DOCK4: variants seen among roughly 807,000 people sequenced by gnomAD.
The protein encoded by DOCK4 is dedicator of cytokinesis protein 4.
DOCK4 carries 97 observed loss-of-function variants against 268.1 expected under a neutral mutation model. The observed-to-expected ratio is 0.36, with a 90% CI of 0.31 to 0.43. The LOEUF (loss-of-function observed/expected upper bound fraction) is 0.43, where lower values mean the gene tolerates loss of function less well. DOCK4 is among the 20% of genes least tolerant of loss of function. DOCK4 has a pLI of 1.00. For missense variants in DOCK4, 2,145 were observed against 2,455.7 expected, an observed-to-expected ratio of 0.87 and a Z score of 2.67; for synonymous variants, 954 against 887.2, an observed-to-expected ratio of 1.08 and a Z score of -1.34.
chr7:111,784,772 T>C (rs745951829), intron 32 of DOCK4, among the ~76,000 whole-genome samples: 14 of 152,182 alleles, frequency 9.2e-5, no homozygotes, highest in African/African-American at 2.2e-4. Context: ...GGCTTTATGA[T>C]TGAACTTCCC....
intron 8 of DOCK4, among the ~76,000 whole-genome samples, chr7:111,976,190 A>G (rs1240726734): frequency 1.3e-5 from 1 of 77,158 alleles, no homozygotes; most frequent in Non-Finnish European, 2.3e-5. Flanking sequence ...ACACACACAC[A>G]CGCACACACG....
intron 35 of DOCK4, among the ~76,000 whole-genome samples, chr7:111,781,922 A>C (rs1798809124): frequency 6.6e-6 from 1 of 152,222 alleles, no homozygotes; most frequent in African/African-American, 2.4e-5. Context: ...GAGGAACTCA[A>C]ATGATCAGAG....
At chr7:111,856,568 G>A (rs918573763) in intron 23 of DOCK4, among the ~76,000 whole-genome samples, 2 of 152,202 alleles carry the variant, frequency 1.3e-5, no homozygotes, top group African/African-American at 4.8e-5. Context: ...AAATCATTAT[G>A]TGGGCAAATC....
At chr7:111,740,843 C>A (rs896727686) in intron 47 of DOCK4, among the ~76,000 whole-genome samples, 2 of 148,714 alleles carry the variant, frequency 1.3e-5, no homozygotes, top group Non-Finnish European at 3.0e-5. Flanking sequence ...GGTCTCAGAG[C>A]TGAACCTTGT....
intron 44 of DOCK4, among the ~76,000 whole-genome samples, chr7:111,745,310 C>T (rs1388194673): frequency 6.6e-6 from 1 of 152,178 alleles, no homozygotes; most frequent in African/African-American, 2.4e-5. Context: ...TTCCTTATTA[C>T]AATGCTTAAG....
intron 1 of DOCK4, among the ~76,000 whole-genome samples, chr7:112,081,013 A>G (rs998908076): frequency 1.3e-5 from 2 of 152,192 alleles, no homozygotes; most frequent in East Asian, 3.9e-4. Context: ...ACAACTGTCG[A>G]GGTACATTTC....
chr7:112,035,618 G>A (rs981385109), intron 1 of DOCK4, among the ~76,000 whole-genome samples: 1 of 152,072 alleles, frequency 6.6e-6, no homozygotes, highest in African/African-American at 2.4e-5. Context: ...GGAGTAGAGA[G>A]AGAATCACAC....
chr7:111,828,622 A>G (rs183183502), intron 26 of DOCK4, among the ~76,000 whole-genome samples: 1 of 152,242 alleles, frequency 6.6e-6, no homozygotes, highest in Admixed American at 6.5e-5. Flanking sequence ...AAATGTGTAC[A>G]TCCTATGACC....
At chr7:111,963,507 G>A (rs368776092) in intron 8 of DOCK4, among the ~76,000 whole-genome samples, 1,004 of 58,904 alleles carry the variant, frequency 0.017, no homozygotes, top group Middle Eastern at 0.022. Context: ...ACCGGCTTAA[G>A]AAACGGCGCA....
intron 13 of DOCK4, among the ~76,000 whole-genome samples, chr7:111,907,450 A>AACTCCTAT (rs138827707): frequency 0.12 from 17,990 of 151,900 alleles, 1,060 homozygotes; most frequent in Non-Finnish European, 0.12. Context: ...CCGTTGGGGG[A>AACTCCTAT]ACTCCTATAC....
At chr7:112,098,503 T>TTA (rs915224453) in intron 1 of DOCK4, among the ~76,000 whole-genome samples, 10 of 150,092 alleles carry the variant, frequency 6.7e-5, no homozygotes, top group Admixed American at 4.0e-4. Context: ...TATAGTTAAA[T>TTA]TATATATATA....
At chr7:112,194,589 CCAG>C in intron 1 of DOCK4, among the ~76,000 whole-genome samples, 1 of 152,194 alleles carries the variant, frequency 6.6e-6, no homozygotes, top group East Asian at 1.9e-4. Context: ...TCAACTTCTA[CCAG>C]TCCAACCTCT....
rs868341169 is a variant in DOCK4, at chr7:112,128,356, G to A, written c.37+77746C>T. The stretch of plus-strand genomic sequence containing the variant: ...CGGGAGGTGAGGGGCGCCTCTGCCC[G>A]GCCGCCCCTACTGGGAAGTGAGGAG... On this transcript the variant is annotated intron_variant, in intron 1 of 52. Transcript: ENST00000428084. Among the ~76,000 whole-genome samples the A allele has an allele frequency of 1.8e-3, 269 of 151,884 alleles. No homozygotes were observed. The Middle Eastern group carries it at 0.024, about 13-fold the overall frequency.
At chr7:111,760,736 TTTTGTGTG>T (rs773937845) in intron 39 of DOCK4, among the ~76,000 whole-genome samples, 9 of 123,090 alleles carry the variant, frequency 7.3e-5, no homozygotes, top group African/African-American at 3.0e-4. Context: ...GTTGTCTGCT[TTTTGTGTG>T]TGTGTGTGTG....
In DOCK4 at chr7:111,728,123, T is replaced by C. The variant is rs1794770382; in HGVS notation, c.*151A>G. The C allele has an allele frequency of 1.8e-6, 1 of 541,172 alleles. No individual in the cohort carries two copies. Among genetic ancestry groups the C allele is most frequent in the Non-Finnish European group, 2.8e-6 (1 of 352,622 alleles). The allele number at this position is 541,172 out of a possible 1,614,324, so 33.5% of individuals were successfully genotyped here. ...GTTTTAGATCAGCAACTTTTAATAT[T>C]GTGCAACATGATATTTAATAAGCAA... On this transcript the variant is annotated 3_prime_UTR_variant, in exon 53 of 53. Coordinates refer to ENST00000428084, the MANE Select transcript of DOCK4 (RefSeq NM_001363540.2).
At chr7:111,870,330 T>C (rs1806317741) in intron 20 of DOCK4, among the ~76,000 whole-genome samples, 1 of 149,016 alleles carries the variant, frequency 6.7e-6, no homozygotes, top group South Asian at 2.1e-4. Context: ...TTTCTTTTTT[T>C]TTTTTTTTTT....
At chr7:112,156,009 A>G (rs756630527) in intron 1 of DOCK4, among the ~76,000 whole-genome samples, 2 of 152,206 alleles carry the variant, frequency 1.3e-5, no homozygotes, top group Non-Finnish European at 2.9e-5. Context: ...ACCTCACTCC[A>G]CACAGGAATC....
In DOCK4 at chr7:111,746,375, C is replaced by T; in HGVS notation, c.4636G>A (p.Gly1546Arg). 6.2e-7 allele frequency: 1 copy of T among 1,613,002 alleles called. No homozygotes were observed. The highest frequency in any genetic ancestry group is 8.5e-7 in the Non-Finnish European group (1 of 1,179,498). Residue 1546 changes from glycine (G) to arginine (R), a missense_variant, in exon 44 of 53, where the codon GGG (glycine) becomes AGG (arginine). Physicochemically the swap from Gly to Arg is moderately radical, Grantham distance 125 (BLOSUM62 -2). This residue lies in a region of DOCK4 where 1,598 missense variants were observed against 1,986.7 expected (regional missense o/e 0.80). Transcript: ENST00000428084. ...TCTCTTAATCGTGCAATTTTCTCCC[C>T]ATCTTCAGGGTGACTTAAGATATAT... ...KEYILSHPED[G>R]EKIARLRELM...
chr7:111,803,854 T>C (rs1477918487), intron 30 of DOCK4, among the ~76,000 whole-genome samples: 1 of 152,200 alleles, frequency 6.6e-6, no homozygotes, highest in Non-Finnish European at 1.5e-5. Flanking sequence ...AGTTGGCTTT[T>C]ATGCTCTAAA....
Sources: gnomAD v4.1 joint callset for allele counts (sites outside exome capture counted in the v4.1 genomes callset) on GRCh38, gnomAD v4.1.1 for gene constraint, gnomAD v4.1.1 regional missense constraint, MANE v1.5 for transcripts, NCBI Gene and HGNC (gene_info 2026-07-23, HGNC 2026-07-21) for gene names.